Variants in PHF8 observed in about 807,000 individuals in gnomAD.
The protein encoded by PHF8 is PHD finger protein 8, also known as histone lysine demethylase PHF8.
Under a neutral mutation model 74.4 loss-of-function variants are expected in PHF8, and 9 were observed. That is an observed-to-expected ratio of 0.12 (90% CI 0.07 to 0.21). PHF8 has a LOEUF of 0.21. Ranked by LOEUF, PHF8 falls within the 10% of genes least tolerant of loss-of-function variation. The pLI, the probability that PHF8 is intolerant of heterozygous loss-of-function variation, is 1.00. For synonymous variants in PHF8, 311 were observed against 316.6 expected, an observed-to-expected ratio of 0.98 and a Z score of 0.19; for missense variants, 478 against 816.6, an observed-to-expected ratio of 0.59 and a Z score of 5.05.
At chrX:54,036,102 CAA>C (rs1159910510) in intron 2 of PHF8, among the ~76,000 whole-genome samples, 5 of 26,214 alleles carry the variant, frequency 1.9e-4, no homozygotes, top group Non-Finnish European at 3.0e-4. Context: ...AACTCCATCT[CAA>C]AAAAAAAAAA....
At chrX:53,950,564 G>T (rs1404597709) in intron 19 of PHF8, among the ~76,000 whole-genome samples, 2 of 111,986 alleles carry the variant, frequency 1.8e-5, no homozygotes, top group African/African-American at 6.5e-5. Flanking sequence ...GTTGTAAACT[G>T]CCTGGCTGAG....
intron 15 of PHF8, 28 bp from the exon 16 acceptor site, chrX:53,987,191 T>C (rs782158036): frequency 2.1e-6 from 2 of 971,231 alleles, no homozygotes; most frequent in Non-Finnish European, 3.0e-6. Context: ...GCACTTATTA[T>C]GAAGCTATGA....
chrX:53,938,342 G>A lies in PHF8; in HGVS notation c.*816C>T. ...CCACAGCCACAGCCACAGCCACGTG[G>A]ATAATGTTCTACATGATTTCAAAAT... On this transcript the variant is annotated 3_prime_UTR_variant, in exon 22 of 22. Transcript: ENST00000338154. 1.0e-6 allele frequency: 1 copy of A among 976,842 alleles called. No individual in the cohort carries two copies. Among genetic ancestry groups the A allele is most frequent in the African/African-American group, 2.0e-5 (1 of 51,011 alleles). The allele number at this position is 976,842 out of a possible 1,213,427, so 80.5% of individuals were successfully genotyped here. A position where few individuals can be genotyped will look rare whatever the true frequency, so the allele number is the denominator to read the frequency against.
chrX:54,013,036 T>C (rs1250727968), intron 7 of PHF8, among the ~76,000 whole-genome samples: 1 of 110,406 alleles, frequency 9.1e-6, no homozygotes, highest in Non-Finnish European at 1.9e-5. Flanking sequence ...GAGGATCCCT[T>C]GAGCCCAGGA....
intron 2 of PHF8, among the ~76,000 whole-genome samples, chrX:54,035,155 G>A (rs1282060192): frequency 2.8e-5 from 3 of 108,719 alleles, no homozygotes; most frequent in Non-Finnish European, 5.7e-5. Flanking sequence ...TCAGGAGTTC[G>A]AGACCAACCT....
intron 18 of PHF8, 81 bp from the exon 19 acceptor site, chrX:53,963,020 C>T: frequency 1.7e-6 from 1 of 602,665 alleles, no homozygotes; most frequent in Non-Finnish European, 2.9e-6. Flanking sequence ...CCAGCTCCTG[C>T]CCTTCCCCTA....
chrX:54,014,773 A>C (rs113369390), intron 6 of PHF8, among the ~76,000 whole-genome samples: 1,366 of 111,245 alleles, frequency 0.012, 16 homozygotes, highest in African/African-American at 0.042. Context: ...TCCCAAGTCC[A>C]AGCTCCACAG....
chrX:54,030,295 C>T (rs782146399), intron 2 of PHF8, among the ~76,000 whole-genome samples: 3 of 111,492 alleles, frequency 2.7e-5, no homozygotes, highest in East Asian at 2.8e-4. Flanking sequence ...AATGAAAAAT[C>T]GGGCTTCTGG....
intron 4 of PHF8, among the ~76,000 whole-genome samples, chrX:54,021,458 T>A (rs1557109819): frequency 3.0e-5 from 2 of 66,824 alleles, no homozygotes; most frequent in Admixed American, 3.0e-4. Flanking sequence ...GCAATTATTT[T>A]TTTTTTTTTT....
upstream of PHF8, chrX:54,045,058 G>A: frequency 2.1e-6 from 1 of 477,202 alleles, no homozygotes; most frequent in Non-Finnish European, 3.6e-6. Flanking sequence ...TGTGCTACCC[G>A]CGTTCTGTCC....
At chrX:53,987,225 G>A in intron 15 of PHF8, 62 bp from the exon 16 acceptor site, 2 of 731,912 alleles carry the variant, frequency 2.7e-6, no homozygotes, top group Non-Finnish European at 4.3e-6. Context: ...CAAATACCCA[G>A]AAGAAAAAAA....
intron 12 of PHF8, chrX:53,995,073 G>A: frequency 3.2e-6 from 1 of 314,957 alleles, no homozygotes; most frequent in African/African-American, 2.7e-5. Flanking sequence ...CTGAGGCTCT[G>A]AAAGGCTTGC....
intron 18 of PHF8, among the ~76,000 whole-genome samples, chrX:53,967,505 T>C (rs1270711023): frequency 7.2e-4 from 45 of 62,482 alleles, no homozygotes; most frequent in African/African-American, 2.1e-3. Context: ...GGGTCAGCCC[T>C]CCGCCCAGCC....
intron 7 of PHF8, among the ~76,000 whole-genome samples, chrX:54,013,832 T>A (rs2066019080): frequency 9.0e-6 from 1 of 110,599 alleles, no homozygotes; most frequent in African/African-American, 3.3e-5. Flanking sequence ...AAACTCCATC[T>A]CAAATAAATA....
chrX:53,953,657 A>AAAG (rs1491185317), intron 19 of PHF8, among the ~76,000 whole-genome samples: 3 of 95,316 alleles, frequency 3.1e-5, no homozygotes, highest in African/African-American at 1.2e-4. Flanking sequence ...AAAAAAAAAA[A>AAAG]GCGGGGGGGG....
intron 1 of PHF8, among the ~76,000 whole-genome samples, chrX:54,043,554 G>T (rs1335035127): frequency 1.8e-5 from 2 of 110,986 alleles, no homozygotes; most frequent in Non-Finnish European, 3.8e-5. Context: ...AACTCAAAAG[G>T]ATCTATTCAA....
chrX:53,997,486 A>G (rs1365685822), intron 11 of PHF8, among the ~76,000 whole-genome samples: 1 of 111,356 alleles, frequency 9.0e-6, no homozygotes, highest in East Asian at 2.8e-4. Context: ...GGAGCTGAGA[A>G]TCCATGTGAC....
intron 19 of PHF8, among the ~76,000 whole-genome samples, chrX:53,956,119 G>A (rs1197600844): frequency 1.8e-5 from 2 of 110,561 alleles, no homozygotes; most frequent in Admixed American, 9.7e-5. Context: ...TGGTGGTGGC[G>A]GGTGCTTTTA....
At chrX:53,972,299 G>C (rs1293703229) in intron 18 of PHF8, among the ~76,000 whole-genome samples, 2 of 96,529 alleles carry the variant, frequency 2.1e-5, no homozygotes, top group East Asian at 6.4e-4. Context: ...CTTCAGCCTG[G>C]TGACAGGGCA....
Sources: gnomAD v4.1 joint callset for allele counts (sites outside exome capture counted in the v4.1 genomes callset) on GRCh38, gnomAD v4.1.1 for gene constraint, MANE v1.5 for transcripts, NCBI Gene and HGNC (gene_info 2026-07-23, HGNC 2026-07-21) for gene names.